Variants in IL1RAPL1 observed in about 807,000 individuals in gnomAD.
The protein encoded by IL1RAPL1 is interleukin 1 receptor accessory protein like 1.
A neutral mutation model predicts 48.4 loss-of-function variants in IL1RAPL1; 3 were observed. The observed-to-expected ratio is 0.06, with a 90% confidence interval of 0.03 to 0.16. The LOEUF (loss-of-function observed/expected upper bound fraction) is 0.16. IL1RAPL1 is among the 10% of genes least tolerant of loss of function. IL1RAPL1 has a pLI of 1.00. For synonymous variants in IL1RAPL1, 185 were observed against 187.7 expected (o/e 0.99, Z 0.12); for missense variants, 349 against 530.6 (o/e 0.66, Z 3.36).
intron 5 of IL1RAPL1, among the ~76,000 whole-genome samples, chrX:29,426,470 A>G (rs1250882317): frequency 9.0e-6 from 1 of 111,419 alleles, no homozygotes; most frequent in African/African-American, 3.3e-5. Context: ...CTCTGACTTT[A>G]AAAGTCCTCT....
intron 5 of IL1RAPL1, among the ~76,000 whole-genome samples, chrX:29,639,552 T>TGG (rs1925099403): frequency 9.3e-6 from 1 of 107,661 alleles, no homozygotes; most frequent in African/African-American, 3.4e-5. Flanking sequence ...AAAGTTTTTT[T>TGG]TTTTTTTTTT....
chrX:29,064,977 A>G (rs745679242), intron 2 of IL1RAPL1, among the ~76,000 whole-genome samples: 1 of 111,633 alleles, frequency 9.0e-6, no homozygotes, highest in South Asian at 3.7e-4. Context: ...ATGAGTTACC[A>G]TCTAACTAGC....
chrX:28,693,697 G>A (rs923926232), intron 1 of IL1RAPL1, among the ~76,000 whole-genome samples: 7 of 111,585 alleles, frequency 6.3e-5, no homozygotes, highest in Admixed American at 2.9e-4. Context: ...TTATTAGAGC[G>A]GCTAGTGTCT....
At chrX:28,740,444 A>C (rs898314055) in intron 1 of IL1RAPL1, among the ~76,000 whole-genome samples, 2 of 111,863 alleles carry the variant, frequency 1.8e-5, no homozygotes, top group African/African-American at 3.2e-5. Flanking sequence ...TATGAGCCAT[A>C]TTTTGTTCCT....
At chrX:29,947,368 A>C (rs1359249231) in intron 9 of IL1RAPL1, among the ~76,000 whole-genome samples, 1 of 110,913 alleles carries the variant, frequency 9.0e-6, no homozygotes, top group Non-Finnish European at 1.9e-5. Flanking sequence ...ACTATGAAGT[A>C]TGTGGGGCAT....
intron 6 of IL1RAPL1, among the ~76,000 whole-genome samples, chrX:29,850,027 C>T (rs1931330680): frequency 9.0e-6 from 1 of 111,609 alleles, no homozygotes; most frequent in Non-Finnish European, 1.9e-5. Flanking sequence ...AAATCTTAAT[C>T]TCTTTCTCTG....
At chrX:28,723,430 A>G (rs141131676) in intron 1 of IL1RAPL1, among the ~76,000 whole-genome samples, 1,469 of 111,294 alleles carry the variant, frequency 0.013, 27 homozygotes, top group African/African-American at 0.046. Flanking sequence ...CTGTGGGATC[A>G]GTGGTGATAT....
At chrX:29,125,345 A>T (rs964568069) in intron 2 of IL1RAPL1, among the ~76,000 whole-genome samples, 1 of 112,277 alleles carries the variant, frequency 8.9e-6, no homozygotes, top group Admixed American at 9.5e-5. Context: ...TGGAGAAAGT[A>T]CAAAGGCTGT....
chrX:29,827,572 G>T (rs987299446), intron 6 of IL1RAPL1, among the ~76,000 whole-genome samples: 3 of 111,799 alleles, frequency 2.7e-5, no homozygotes, highest in Non-Finnish European at 5.6e-5. Context: ...AGGCCTCTCT[G>T]ATGAGGTGTT....
At chrX:29,336,084 A>G (rs946375834) in intron 3 of IL1RAPL1, among the ~76,000 whole-genome samples, 1 of 105,514 alleles carries the variant, frequency 9.5e-6, no homozygotes, top group Non-Finnish European at 1.9e-5. Context: ...ATATATGTAT[A>G]TTATACGTAT....
chrX:29,329,228 G>C (rs1202503313), intron 3 of IL1RAPL1, among the ~76,000 whole-genome samples: 5 of 110,742 alleles, frequency 4.5e-5, no homozygotes, highest in Admixed American at 1.9e-4. Context: ...TTTTTCTTCT[G>C]TCCGTCTATA....
At chrX:29,939,902 G>A (rs375752365) in intron 8 of IL1RAPL1, among the ~76,000 whole-genome samples, 5 of 96,681 alleles carry the variant, frequency 5.2e-5, no homozygotes, top group African/African-American at 1.6e-4. Flanking sequence ...TCGTTCTGTC[G>A]CCCAGGCTGG....
chrX:29,808,501 G>C (rs987062095), intron 6 of IL1RAPL1, among the ~76,000 whole-genome samples: 2 of 111,319 alleles, frequency 1.8e-5, no homozygotes, highest in Admixed American at 9.6e-5. Flanking sequence ...TGTGTGCTTG[G>C]AAAGGTTTTG....
intron 3 of IL1RAPL1, among the ~76,000 whole-genome samples, chrX:29,368,590 C>CTTTTTTTTTTTT (rs894805840): frequency 5.7e-5 from 5 of 87,670 alleles, no homozygotes; most frequent in African/African-American, 1.8e-4. Flanking sequence ...CTTTTTCTTT[C>CTTTTTTTTTTTT]TTTTTTTTTT....
intron 8 of IL1RAPL1, among the ~76,000 whole-genome samples, chrX:29,923,612 AC>A: frequency 9.0e-6 from 1 of 111,609 alleles, no homozygotes; most frequent in East Asian, 2.9e-4. Context: ...ATATTGGGTT[AC>A]TTCTTGTTCT....
intron 2 of IL1RAPL1, among the ~76,000 whole-genome samples, chrX:28,931,689 A>G (rs1360036801): frequency 8.9e-6 from 1 of 111,892 alleles, no homozygotes; most frequent in African/African-American, 3.2e-5. Context: ...TTTATTGCCT[A>G]TAAAAATAAA....
chrX:28,646,034 A>G (rs1328663395), intron 1 of IL1RAPL1, among the ~76,000 whole-genome samples: 1 of 112,161 alleles, frequency 8.9e-6, no homozygotes, highest in Non-Finnish European at 1.9e-5. Context: ...AGCTAATATG[A>G]GTAAGAATCC....
intron 5 of IL1RAPL1, among the ~76,000 whole-genome samples, chrX:29,436,667 A>G (rs1478733362): frequency 9.1e-6 from 1 of 109,813 alleles, no homozygotes; most frequent in East Asian, 2.8e-4. Context: ...AGGAATAGCT[A>G]AAATTACTGG....
intron 6 of IL1RAPL1, among the ~76,000 whole-genome samples, chrX:29,807,054 C>T (rs1296374661): frequency 1.8e-5 from 2 of 111,191 alleles, no homozygotes; most frequent in East Asian, 5.6e-4. Flanking sequence ...GCCAATTAAA[C>T]CTCTTTACTT....
Sources: allele counts gnomAD v4.1 joint callset (sites outside exome capture counted in the v4.1 genomes callset), GRCh38; gene constraint gnomAD v4.1.1; transcripts MANE v1.5; gene names NCBI Gene and HGNC (gene_info 2026-07-23, HGNC 2026-07-21).